The following RIMS1 variants were observed in gnomAD, a reference collection of about 807,000 sequenced individuals.
RIMS1 encodes regulating synaptic membrane exocytosis 1.
Under a neutral mutation model 214.1 loss-of-function variants are expected in RIMS1, and 83 were observed. That is an observed-to-expected ratio of 0.39 (90% confidence interval 0.32 to 0.47). The LOEUF (loss-of-function observed/expected upper bound fraction) is 0.47. Ranked by LOEUF, RIMS1 falls within the 20% of genes least tolerant of loss-of-function variation. The probability of loss-of-function intolerance (pLI) is 0.99; values close to 1 mark genes in which losing one functional copy is unlikely to be tolerated. For synonymous variants in RIMS1, 793 were observed against 786.8 expected (o/e 1.01, Z -0.13); for missense variants, 2,050 against 2,161.8 (o/e 0.95, Z 1.03).
intron 25 of RIMS1, among the ~76,000 whole-genome samples, chr6:72,291,708 A>G (rs2093414870): frequency 6.6e-6 from 1 of 152,206 alleles, no homozygotes; most frequent in Non-Finnish European, 1.5e-5. Context: ...TGCTCAGTTT[A>G]AGAATTCATT....
At chr6:72,082,323 C>A (rs571533736) in intron 2 of RIMS1, among the ~76,000 whole-genome samples, 57 of 152,238 alleles carry the variant, frequency 3.7e-4, no homozygotes, top group Middle Eastern at 3.4e-3. Context: ...TATAAAATAG[C>A]TAATATTTTA....
intron 2 of RIMS1, among the ~76,000 whole-genome samples, chr6:72,094,273 G>A (rs189709045): frequency 1.2e-4 from 18 of 152,200 alleles, no homozygotes; most frequent in African/African-American, 2.6e-4. Flanking sequence ...GTAGAAGAGA[G>A]GTGTTATGTA....
intron 2 of RIMS1, among the ~76,000 whole-genome samples, chr6:72,056,635 T>C (rs1207612929): frequency 6.6e-6 from 1 of 152,194 alleles, no homozygotes; most frequent in Non-Finnish European, 1.5e-5. Flanking sequence ...ATGCCAGCCC[T>C]ATGAGTGCTG....
At chr6:72,296,978 C>T (rs1334299121) in intron 26 of RIMS1, among the ~76,000 whole-genome samples, 12 of 151,664 alleles carry the variant, frequency 7.9e-5, no homozygotes, top group African/African-American at 2.9e-4. Flanking sequence ...TATATTATTT[C>T]TCACCCTTAG....
Position 71,939,618 on chromosome 6 carries a change from C to A in RIMS1, c.165-29365C>A, listed in dbSNP as rs1785435899. Among the ~76,000 whole-genome samples, 3 of 152,152 alleles carry A rather than the reference C, an allele frequency of 2.0e-5. No homozygotes were observed. In the South Asian group the frequency reaches 6.2e-4, roughly 32 times the overall value. ...CATCTGGTTAAGGGCCTTCCTGCTG[C>A]AACTTAACACTGTGGAAGGCAACAA... is the stretch of plus-strand genomic sequence containing the variant. On this transcript the variant is annotated intron_variant, in intron 1 of 33. Coordinates refer to ENST00000521978, the MANE Select transcript of RIMS1 (RefSeq NM_014989.7).
At chr6:71,961,861 A>G (rs1440124197) in intron 1 of RIMS1, among the ~76,000 whole-genome samples, 1 of 152,172 alleles carries the variant, frequency 6.6e-6, no homozygotes, top group Non-Finnish European at 1.5e-5. Context: ...CAGGCAGCAC[A>G]CGGTTTTTGG....
At chr6:72,064,676 C>T (rs1828824945) in intron 2 of RIMS1, among the ~76,000 whole-genome samples, 1 of 133,774 alleles carries the variant, frequency 7.5e-6, no homozygotes, top group Non-Finnish European at 1.6e-5. Context: ...CTTTGTTTTT[C>T]ATTTCTATGA....
intron 2 of RIMS1, among the ~76,000 whole-genome samples, chr6:72,034,906 A>G (rs557324977): frequency 6.6e-6 from 1 of 152,214 alleles, no homozygotes; most frequent in Non-Finnish European, 1.5e-5. Context: ...GAGCAAATTA[A>G]TTGAATACAA....
chr6:71,967,877 T>G (rs1583708998), intron 1 of RIMS1, among the ~76,000 whole-genome samples: 1 of 152,332 alleles, frequency 6.6e-6, no homozygotes, highest in South Asian at 2.1e-4. Context: ...CCTGTATTAT[T>G]TCTTTCAGAA....
intron 1 of RIMS1, among the ~76,000 whole-genome samples, chr6:71,945,057 T>C (rs1013488365): frequency 6.6e-6 from 1 of 152,184 alleles, no homozygotes; most frequent in African/African-American, 2.4e-5. Context: ...TCTCCTGTAC[T>C]AGTAGGGTTC....
intron 18 of RIMS1, among the ~76,000 whole-genome samples, chr6:72,260,165 A>G (rs2077364530): frequency 1.3e-5 from 2 of 152,268 alleles, no homozygotes; most frequent in South Asian, 2.1e-4. Context: ...AGGGCAGTCA[A>G]TATAGTGAAA....
intron 4 of RIMS1, among the ~76,000 whole-genome samples, chr6:72,110,593 A>G (rs1376052473): frequency 1.3e-5 from 2 of 149,468 alleles, no homozygotes; most frequent in Non-Finnish European, 3.0e-5. Context: ...CAGCTTAAGG[A>G]GATTTTGGGC....
chr6:71,961,407 T>C (rs74656241), intron 1 of RIMS1, among the ~76,000 whole-genome samples: 1,836 of 152,176 alleles, frequency 0.012, 10 homozygotes, highest in Non-Finnish European at 0.018. Context: ...CCTCTCTTTC[T>C]GTATCTTTAA....
At chr6:72,234,540 T>C (rs533567293) in intron 7 of RIMS1, among the ~76,000 whole-genome samples, 2 of 152,166 alleles carry the variant, frequency 1.3e-5, no homozygotes, top group East Asian at 3.9e-4. Context: ...TTGTTACAAC[T>C]GATGAGCCAA....
At chr6:72,394,142 C>G (rs1336574275) in intron 31 of RIMS1, among the ~76,000 whole-genome samples, 3 of 151,848 alleles carry the variant, frequency 2.0e-5, no homozygotes, top group Non-Finnish European at 4.4e-5. Context: ...AGCTAGGTTT[C>G]AAAGCAGCGT....
rs530753231 is a variant in RIMS1 at position 72,008,020 on chromosome 6, G to A, written c.245+38957G>A. Among the ~76,000 whole-genome samples, 20 of 152,232 alleles carry A rather than the reference G, an allele frequency of 1.3e-4. No individual in the cohort carries two copies. The South Asian group carries it at 3.7e-3, about 28-fold the overall frequency. ...AAGAGCAACTCCAAGACACATAATTGTCAGATTCACCAAAGTTGAAATGAA... is the reference window on the plus strand; with the variant it reads ...AAGAGCAACTCCAAGACACATAATTATCAGATTCACCAAAGTTGAAATGAA... On this transcript the variant is annotated intron_variant, in intron 2 of 33. Transcript: ENST00000521978.
chr6:72,088,933 G>T (rs985145575), intron 2 of RIMS1, among the ~76,000 whole-genome samples: 13 of 151,512 alleles, frequency 8.6e-5, no homozygotes, highest in Admixed American at 6.6e-4. Flanking sequence ...GGAAGGAGAG[G>T]TGAGGAGGGG....
At chr6:72,228,727 G>A (rs2061039053) in intron 6 of RIMS1, among the ~76,000 whole-genome samples, 1 of 151,836 alleles carries the variant, frequency 6.6e-6, no homozygotes, top group Non-Finnish European at 1.5e-5. Flanking sequence ...TTTGAGGAAA[G>A]TTTATACTGT....
chr6:72,090,709 T>C (rs1332768881), intron 2 of RIMS1, among the ~76,000 whole-genome samples: 1 of 152,234 alleles, frequency 6.6e-6, no homozygotes, highest in Non-Finnish European at 1.5e-5. Flanking sequence ...CTAATTTATA[T>C]TTATGTATAA....
Sources: gnomAD v4.1 joint callset for allele counts (sites outside exome capture counted in the v4.1 genomes callset) on GRCh38, gnomAD v4.1.1 for gene constraint, MANE v1.5 for transcripts, NCBI Gene and HGNC (gene_info 2026-07-23, HGNC 2026-07-21) for gene names.